The following CLASP2 variants were observed in gnomAD, a reference collection of about 807,000 sequenced individuals.
The protein encoded by CLASP2 is cytoplasmic linker associated protein 2.
In CLASP2, 47 loss-of-function variants were observed where a neutral mutation model predicts 194.4. The observed-to-expected ratio is 0.24, with a 90% CI of 0.19 to 0.31. The LOEUF is 0.31. CLASP2 is among the 10% of genes least tolerant of loss of function. The probability of loss-of-function intolerance (pLI) is 1.00; values close to 1 mark genes in which losing one functional copy is unlikely to be tolerated. For synonymous variants in CLASP2, 619 were observed against 633.5 expected (o/e 0.98, Z 0.34); for missense variants, 1,445 against 1,823.6 (o/e 0.79, Z 3.78).
At chr3:33,506,377 C>CAAAAAAAAAAAAAAAAAAAAAAAAAA (rs2048189726) in intron 37 of CLASP2, among the ~76,000 whole-genome samples, 3 of 61,890 alleles carry the variant, frequency 4.8e-5, no homozygotes, top group African/African-American at 1.7e-4. Flanking sequence ...GACTCTGTCT[C>CAAAAAAAAAAAAAAAAAAAAAAAAAA]GAAAAAAAAA....
chr3:33,579,226 C>A (rs1208521849), intron 23 of CLASP2, among the ~76,000 whole-genome samples: 39 of 152,134 alleles, frequency 2.6e-4, no homozygotes, highest in Admixed American at 2.4e-3. Flanking sequence ...TCATGAGAAT[C>A]AGGAAAACTG....
chr3:33,563,269 C>T (rs181621297), intron 27 of CLASP2, among the ~76,000 whole-genome samples: 118 of 150,794 alleles, frequency 7.8e-4, no homozygotes, highest in African/African-American at 2.7e-3. Context: ...TAACTTGACA[C>T]TGCTTTCCTC....
chr3:33,551,229 C>T, intron 30 of CLASP2, 23 bp downstream of exon 30: 1 of 1,597,664 alleles, frequency 6.3e-7, no homozygotes, highest in Non-Finnish European at 8.5e-7. Context: ...AATTTATCTT[C>T]TAAACCTCAT....
intron 24 of CLASP2, chr3:33,574,575 T>C (rs1313359600): frequency 4.0e-6 from 3 of 751,774 alleles, no homozygotes; most frequent in African/African-American, 1.8e-5. Flanking sequence ...GAAATAGGCA[T>C]TAACAATGCC....
intron 23 of CLASP2, among the ~76,000 whole-genome samples, chr3:33,581,581 G>C (rs1284864311): frequency 1.3e-5 from 2 of 152,208 alleles, no homozygotes; most frequent in African/African-American, 4.8e-5. Context: ...AAACCTGTGT[G>C]ACATTTACTT....
chr3:33,577,029 C>T (rs2154199953), intron 23 of CLASP2, among the ~76,000 whole-genome samples: 1 of 145,410 alleles, frequency 6.9e-6, no homozygotes, highest in African/African-American at 2.6e-5. Flanking sequence ...AATACAGTTG[C>T]TAAAGGGGAA....
Position 33,498,171 on chromosome 3 carries a change from C to CAT in CLASP2, c.*458_*459dup, listed in dbSNP as rs1351664531. 1.3e-5 allele frequency: 2 copies of CAT among 152,860 alleles called. No individual in the cohort carries two copies. Among genetic ancestry groups the CAT allele is most frequent in the Non-Finnish European group, 2.9e-5 (2 of 68,424 alleles). 9.5% of individuals were successfully genotyped at this position (152,860 alleles called of 1,614,324 possible). A position where few individuals can be genotyped will look rare whatever the true frequency, so the allele number is the denominator to read the frequency against. The stretch of plus-strand genomic sequence containing the variant: ...TTTCACATCATTTAAATATTTCTAG[C>CAT]ATAGGACATGATACGAAACAAAACT... On this transcript the variant is annotated 3_prime_UTR_variant, in exon 39 of 39. Transcript: ENST00000682230.
At chr3:33,643,120 C>T (rs1575174982) in intron 8 of CLASP2, among the ~76,000 whole-genome samples, 1 of 151,916 alleles carries the variant, frequency 6.6e-6, no homozygotes, top group African/African-American at 2.4e-5. Flanking sequence ...AAAGGAGTAT[C>T]TGATTATATC....
rs911450081 is a variant in CLASP2, at chr3:33,718,028, A to T, written c.-26T>A. 13 of 1,455,586 alleles carry T rather than the reference A, an allele frequency of 8.9e-6. No individual in the cohort carries two copies. Among genetic ancestry groups the T allele is most frequent in the Non-Finnish European group, 1.2e-5 (13 of 1,112,016 alleles). The allele number at this position is 1,455,586 out of a possible 1,614,324, so 90.2% of individuals were successfully genotyped here. The stretch of plus-strand genomic sequence containing the variant: ...GGCTGCGGCCGCCCGCCCGCCTGCC[A>T]GTCTGTGAGCGGCCAACTTTCGCCG... On this transcript the variant is annotated 5_prime_UTR_variant, in exon 1 of 39. Coordinates refer to ENST00000682230, the MANE Select transcript of CLASP2 (RefSeq NM_001365631.1).
chr3:33,715,943 T>C (rs192701807), intron 1 of CLASP2, among the ~76,000 whole-genome samples: 3 of 148,324 alleles, frequency 2.0e-5, no homozygotes, highest in East Asian at 2.1e-4. Context: ...GCCCTTTCCC[T>C]AGCAATGTCA....
At chr3:33,516,208 T>G in intron 35 of CLASP2, 57 bp from the exon 36 acceptor site, 1 of 1,498,614 alleles carries the variant, frequency 6.7e-7, no homozygotes, top group Non-Finnish European at 8.9e-7. Context: ...ATCTTTAACA[T>G]TTTCAATTTT....
intron 8 of CLASP2, among the ~76,000 whole-genome samples, chr3:33,641,856 C>T (rs1340694804): frequency 1.3e-5 from 2 of 151,786 alleles, no homozygotes; most frequent in Non-Finnish European, 2.9e-5. Context: ...CTACTATATC[C>T]CTTTAATTAG....
chr3:33,583,152 G>C (rs1203663708), intron 22 of CLASP2, among the ~76,000 whole-genome samples: 1 of 152,166 alleles, frequency 6.6e-6, no homozygotes, highest in Non-Finnish European at 1.5e-5. Flanking sequence ...AAGAGGCCTA[G>C]ATGCAACTAA....
chr3:33,609,799 G>C (rs562557882), intron 13 of CLASP2, among the ~76,000 whole-genome samples: 31 of 152,282 alleles, frequency 2.0e-4, no homozygotes, highest in African/African-American at 7.5e-4. Context: ...CATAGGCAGT[G>C]AATGTCAACT....
intron 30 of CLASP2, among the ~76,000 whole-genome samples, chr3:33,548,929 A>G (rs887170025): frequency 1.1e-4 from 17 of 150,862 alleles, no homozygotes; most frequent in African/African-American, 4.1e-4. Context: ...CACCATACCC[A>G]CCTAATTTTG....
chr3:33,548,139 T>A lies in CLASP2; in HGVS notation c.3153+3113A>T, dbSNP rs373934632. ...TAGTTCTATTCATGCTATCTATTTC[T>A]TCTTCAGTCAGTTTTGGTAGTTTGT... On this transcript the variant is annotated intron_variant, in intron 30 of 38. Transcript: ENST00000682230. Among the ~76,000 whole-genome samples, 183 of 152,194 alleles carry A rather than the reference T, an allele frequency of 1.2e-3. 3 individuals are homozygous for A. The South Asian group carries it at 0.037, about 31-fold the overall frequency.
At chr3:33,639,074 T>C (rs150929912) in intron 8 of CLASP2, among the ~76,000 whole-genome samples, 2 of 152,310 alleles carry the variant, frequency 1.3e-5, no homozygotes, top group African/African-American at 2.4e-5. Flanking sequence ...GGTCCTTTTT[T>C]TTGGAGACAA....
At position 33,576,282 on chromosome 3, in the gene CLASP2, C is replaced by T; in HGVS notation, c.2348-7G>A. 1 of 1,606,696 alleles carries T rather than the reference C, an allele frequency of 6.2e-7. No individual in the cohort carries two copies. Among genetic ancestry groups the T allele is most frequent in the Non-Finnish European group, 8.5e-7 (1 of 1,173,828 alleles). ...CTGATCCCATAACCTGGACCTAATT[C>T]ATCAAAAGAAGGAAAATAGATTTGA... On this transcript the variant is annotated splice_polypyrimidine_tract_variant and splice_region_variant and intron_variant, in intron 23 of 38. Coordinates refer to ENST00000682230, the MANE Select transcript of CLASP2 (RefSeq NM_001365631.1).
intron 8 of CLASP2, chr3:33,644,353 AG>A (rs1187719739): frequency 1.5e-5 from 3 of 199,080 alleles, no homozygotes; most frequent in African/African-American, 7.1e-5. Flanking sequence ...GGAGTATTTA[AG>A]ACTTACTACC....
Sources: gnomAD v4.1 joint callset for allele counts (sites outside exome capture counted in the v4.1 genomes callset) on GRCh38, gnomAD v4.1.1 for gene constraint, MANE v1.5 for transcripts, NCBI Gene and HGNC (gene_info 2026-07-23, HGNC 2026-07-21) for gene names.